The following CLVS1 variants were observed in gnomAD, a reference collection of about 807,000 sequenced individuals.
The protein encoded by CLVS1 is clavesin 1, also known as clavesin-1.
Under a neutral mutation model 33.1 loss-of-function variants are expected in CLVS1, and 10 were observed. The ratio of observed to expected loss-of-function variants is 0.30; its 90% CI spans 0.19 to 0.51. CLVS1 has a LOEUF of 0.51. Ranked by LOEUF, CLVS1 falls within the 20% of genes least tolerant of loss-of-function variation. The pLI is 0.97. For synonymous variants in CLVS1, 163 were observed against 166.1 expected (o/e 0.98, Z 0.14); for missense variants, 343 against 433.4 (o/e 0.79, Z 1.85).
chr8:61,365,356 G>A (rs1434688740), intron 2 of CLVS1, among the ~76,000 whole-genome samples: 3 of 151,944 alleles, frequency 2.0e-5, no homozygotes, highest in Non-Finnish European at 2.9e-5. Flanking sequence ...GTGAAACCCC[G>A]TCTCTACCAA....
chr8:61,306,744 G>C (rs1810643288), intron 2 of CLVS1, among the ~76,000 whole-genome samples: 1 of 152,196 alleles, frequency 6.6e-6, no homozygotes, highest in Non-Finnish European at 1.5e-5. Flanking sequence ...CATAGTAGCT[G>C]TTCTAATTTA....
chr8:60,965,243 C>T, the CLVS1 span: 1 of 152,278 alleles, frequency 6.6e-6, no homozygotes, highest in African/African-American at 2.4e-5. Flanking sequence ...CCAGATGTGA[C>T]CGAGCAAGAG....
chr8:61,012,696 T>G, the CLVS1 span, among the ~76,000 whole-genome samples: 1 of 152,212 alleles, frequency 6.6e-6, no homozygotes, highest in South Asian at 2.1e-4. Flanking sequence ...ATGACCAGGC[T>G]TGGTGCTGTG....
intron 3 of CLVS1, among the ~76,000 whole-genome samples, chr8:61,447,712 A>T (rs908345413): frequency 6.6e-6 from 1 of 152,028 alleles, no homozygotes; most frequent in Non-Finnish European, 1.5e-5. Context: ...CCCTACATAC[A>T]TCTTTGAACC....
At chr8:61,033,567 TG>T in the CLVS1 span, among the ~76,000 whole-genome samples, 9 of 152,158 alleles carry the variant, frequency 5.9e-5, no homozygotes, top group East Asian at 1.9e-4. Flanking sequence ...GGAGTGTGGG[TG>T]GGCCCTTTCT....
chr8:61,044,227 C>A, the CLVS1 span, among the ~76,000 whole-genome samples: 1 of 152,270 alleles, frequency 6.6e-6, no homozygotes, highest in East Asian at 1.9e-4. Flanking sequence ...GGAGTTACAG[C>A]ATAGAACCTG....
chr8:61,347,534 A>G (rs1202176583), intron 2 of CLVS1, among the ~76,000 whole-genome samples: 1 of 150,706 alleles, frequency 6.6e-6, no homozygotes, highest in East Asian at 2.0e-4. Flanking sequence ...GATAAAAGGG[A>G]TAAATTCAAG....
the CLVS1 span, among the ~76,000 whole-genome samples, chr8:60,990,320 G>C: frequency 5.0e-4 from 76 of 152,234 alleles, no homozygotes; most frequent in Non-Finnish European, 1.0e-3. Flanking sequence ...AATAGATGCT[G>C]CTAAAGAACT....
chr8:61,094,859 C>T (rs1027693316), intron 1 of CLVS1, among the ~76,000 whole-genome samples: 14 of 152,202 alleles, frequency 9.2e-5, no homozygotes, highest in African/African-American at 2.7e-4. Context: ...CTTACCCACC[C>T]GATCAGTGGT....
chr8:61,368,400 A>G (rs1813301322), intron 2 of CLVS1, among the ~76,000 whole-genome samples: 1 of 152,208 alleles, frequency 6.6e-6, no homozygotes, highest in African/African-American at 2.4e-5. Context: ...TCCATGCTGT[A>G]CTTGAGAGAA....
At chr8:61,251,174 A>C (rs1338790363) in intron 2 of CLVS1, among the ~76,000 whole-genome samples, 1 of 152,098 alleles carries the variant, frequency 6.6e-6, no homozygotes, top group Non-Finnish European at 1.5e-5. Flanking sequence ...TGAGATAATC[A>C]TGTGGTTTTT....
intron 2 of CLVS1, among the ~76,000 whole-genome samples, chr8:61,207,044 G>T (rs1476118037): frequency 6.6e-6 from 1 of 152,210 alleles, no homozygotes; most frequent in Non-Finnish European, 1.5e-5. Context: ...ATGAATGAAT[G>T]AAAGAGCTCA....
chr8:61,070,253 C>T (rs1174483778), intron 1 of CLVS1, among the ~76,000 whole-genome samples: 3 of 152,200 alleles, frequency 2.0e-5, no homozygotes, highest in Non-Finnish European at 4.4e-5. Context: ...TTGTGTGCGT[C>T]TCTCATATCA....
intron 2 of CLVS1, among the ~76,000 whole-genome samples, chr8:61,259,888 G>C (rs1809164388): frequency 6.6e-6 from 1 of 152,182 alleles, no homozygotes; most frequent in African/African-American, 2.4e-5. Context: ...AGCTCCCCCT[G>C]CTGCCGCACC....
intron 2 of CLVS1, among the ~76,000 whole-genome samples, chr8:61,191,551 A>G (rs1196781044): frequency 1.3e-5 from 2 of 152,208 alleles, no homozygotes; most frequent in African/African-American, 2.4e-5. Flanking sequence ...AAAGAAATAA[A>G]GGATATTCAG....
intron 2 of CLVS1, among the ~76,000 whole-genome samples, chr8:61,230,432 AAGT>A (rs1469492061): frequency 1.3e-5 from 2 of 152,130 alleles, no homozygotes; most frequent in Admixed American, 6.5e-5. Flanking sequence ...ATAATGATAA[AAGT>A]AGCATATTTT....
intron 3 of CLVS1, chr8:61,390,856 G>A (rs1433039409): frequency 2.0e-5 from 3 of 151,884 alleles, no homozygotes; most frequent in Admixed American, 6.6e-5. Flanking sequence ...TATTTTTGCT[G>A]TTCTTTTTAA....
chr8:61,410,233 G>GTTTTGTTTCTGT (rs1554572137), intron 3 of CLVS1, among the ~76,000 whole-genome samples: 37 of 151,886 alleles, frequency 2.4e-4, no homozygotes, highest in African/African-American at 8.9e-4. Flanking sequence ...AGTGTGAGAT[G>GTTTTGTTTCTGT]TTTTGTTTTT....
chr8:61,148,932 A>C (rs573019178), intron 2 of CLVS1, among the ~76,000 whole-genome samples: 72 of 152,356 alleles, frequency 4.7e-4, no homozygotes, highest in Middle Eastern at 3.4e-3. Flanking sequence ...GTGTGATTCC[A>C]GGAACATTCC....
Sources: gnomAD v4.1 joint callset for allele counts (sites outside exome capture counted in the v4.1 genomes callset) on GRCh38, gnomAD v4.1.1 for gene constraint, MANE v1.5 for transcripts, NCBI Gene and HGNC (gene_info 2026-07-23, HGNC 2026-07-21) for gene names.